CDH8: variants seen among roughly 807,000 people sequenced by gnomAD.
The protein encoded by CDH8 is cadherin 8.
CDH8 carries 17 observed loss-of-function variants against 68.1 expected under a neutral mutation model. The observed-to-expected ratio is 0.25, with a 90% confidence interval of 0.17 to 0.37. The LOEUF (loss-of-function observed/expected upper bound fraction) is 0.37, where lower values mean the gene tolerates loss of function less well. Ranked by LOEUF, CDH8 falls within the 10% of genes least tolerant of loss-of-function variation. CDH8 has a pLI of 1.00. For synonymous variants in CDH8, 372 were observed against 365.1 expected (o/e 1.02, Z -0.21); for missense variants, 763 against 999.3 (o/e 0.76, Z 3.19).
rs1346816672 is a variant in CDH8 at position 61,664,181 on chromosome 16, A to T, written c.1655-8460T>A. ...AATTGTGAAGATGTATGTATTCTTTATATCGATGCTCAAATATCACTTCTT... is the reference window on the plus strand; with the variant it reads ...AATTGTGAAGATGTATGTATTCTTTTTATCGATGCTCAAATATCACTTCTT... On this transcript the variant is annotated intron_variant, in intron 10 of 11. Transcript: ENST00000577390. 2.0e-5 allele frequency among the ~76,000 whole-genome samples: 3 copies of T among 152,012 alleles called. No homozygotes were observed. The East Asian group carries it at 5.8e-4, about 30-fold the overall frequency.
At chr16:61,875,908 G>A (rs151172566) in intron 3 of CDH8, among the ~76,000 whole-genome samples, 296 of 152,082 alleles carry the variant, frequency 1.9e-3, no homozygotes, top group African/African-American at 5.6e-3. Flanking sequence ...ATGGAGTCTC[G>A]CTCTGTCACC....
At chr16:61,795,579 A>C (rs1331474098) in intron 7 of CDH8, among the ~76,000 whole-genome samples, 1 of 152,144 alleles carries the variant, frequency 6.6e-6, no homozygotes, top group Admixed American at 6.5e-5. Context: ...AAAATAAATA[A>C]ATATAAATGA....
chr16:61,943,478 T>C (rs1302212195), intron 2 of CDH8, among the ~76,000 whole-genome samples: 1 of 152,208 alleles, frequency 6.6e-6, no homozygotes, highest in South Asian at 2.1e-4. Context: ...TCTGGATAGG[T>C]GTTTGCAGAT....
chr16:61,777,319 T>C (rs1960926482), intron 8 of CDH8, among the ~76,000 whole-genome samples: 1 of 152,176 alleles, frequency 6.6e-6, no homozygotes, highest in Non-Finnish European at 1.5e-5. Context: ...GAGCTACCAG[T>C]TAGCAGCAAC....
intron 2 of CDH8, among the ~76,000 whole-genome samples, chr16:61,955,597 CTTAA>C (rs1409461139): frequency 1.3e-5 from 2 of 152,068 alleles, no homozygotes; most frequent in African/African-American, 4.8e-5. Context: ...CATCTACTTT[CTTAA>C]TTTTTTCTTT....
At chr16:61,933,629 G>C (rs1437189303) in intron 2 of CDH8, among the ~76,000 whole-genome samples, 1 of 152,186 alleles carries the variant, frequency 6.6e-6, no homozygotes, top group Non-Finnish European at 1.5e-5. Flanking sequence ...GAGACAGTGA[G>C]ATTGAAGACA....
intron 10 of CDH8, among the ~76,000 whole-genome samples, chr16:61,689,244 G>T (rs933954235): frequency 6.6e-6 from 1 of 152,100 alleles, no homozygotes. Context: ...AATGATTCCA[G>T]TTTGAATTTA....
intron 9 of CDH8, chr16:61,725,088 G>C (rs1165767152): frequency 2.0e-5 from 3 of 150,882 alleles, no homozygotes. Flanking sequence ...TAATAAATAT[G>C]TCTAAACAGA....
At chr16:61,953,924 T>TATATATAC (rs1439521997) in intron 2 of CDH8, among the ~76,000 whole-genome samples, 9 of 127,526 alleles carry the variant, frequency 7.1e-5, no homozygotes, top group African/African-American at 2.8e-4. Flanking sequence ...TATATATATA[T>TATATATAC]ATAAAATACC....
At chr16:62,016,174 G>C (rs1901935221) in intron 2 of CDH8, among the ~76,000 whole-genome samples, 1 of 152,108 alleles carries the variant, frequency 6.6e-6, no homozygotes, top group Non-Finnish European at 1.5e-5. Context: ...AGCTTCCTCT[G>C]TATATGCTTC....
chr16:61,958,113 G>C (rs1279071531), intron 2 of CDH8, among the ~76,000 whole-genome samples: 2 of 152,158 alleles, frequency 1.3e-5, no homozygotes, highest in African/African-American at 2.4e-5. Flanking sequence ...GGGAGAGGGG[G>C]ATAAATTGAT....
intron 3 of CDH8, among the ~76,000 whole-genome samples, chr16:61,865,176 C>T (rs1179930901): frequency 5.3e-5 from 8 of 152,200 alleles, no homozygotes; most frequent in Middle Eastern, 3.4e-3. Context: ...TGCAGTCAGG[C>T]GGATGGACAG....
At chr16:61,963,680 A>G (rs1472972243) in intron 2 of CDH8, among the ~76,000 whole-genome samples, 1 of 152,192 alleles carries the variant, frequency 6.6e-6, no homozygotes, top group African/African-American at 2.4e-5. Flanking sequence ...TTGGGAAATA[A>G]CAAACTACCC....
chr16:61,698,644 A>G (rs991150765), intron 10 of CDH8, among the ~76,000 whole-genome samples: 1 of 152,202 alleles, frequency 6.6e-6, no homozygotes, highest in Non-Finnish European at 1.5e-5. Context: ...CCAACATCTA[A>G]TGGACCTAAA....
At chr16:61,913,046 A>T (rs1268979524) in intron 2 of CDH8, among the ~76,000 whole-genome samples, 2 of 152,290 alleles carry the variant, frequency 1.3e-5, no homozygotes, top group East Asian at 3.9e-4. Context: ...GTACAAGTTG[A>T]ATATCCCTTA....
At chr16:61,835,883 T>C (rs980412410) in intron 4 of CDH8, among the ~76,000 whole-genome samples, 2 of 151,914 alleles carry the variant, frequency 1.3e-5, no homozygotes, top group Non-Finnish European at 2.9e-5. Flanking sequence ...GCACTGGCCT[T>C]GGAGTTACCT....
intron 2 of CDH8, among the ~76,000 whole-genome samples, chr16:61,966,717 A>G (rs1315827528): frequency 6.6e-6 from 1 of 152,190 alleles, no homozygotes; most frequent in Non-Finnish European, 1.5e-5. Context: ...AATTAAATCA[A>G]CTAAATCAAT....
intron 8 of CDH8, among the ~76,000 whole-genome samples, chr16:61,736,159 A>G (rs74641326): frequency 2.3e-3 from 140 of 61,640 alleles, no homozygotes; most frequent in African/African-American, 9.0e-3. Flanking sequence ...AAGGAAGGAA[A>G]GAAGGAAGGA....
chr16:61,843,353 A>G (rs1031394741), intron 4 of CDH8, among the ~76,000 whole-genome samples: 2 of 152,212 alleles, frequency 1.3e-5, no homozygotes, highest in African/African-American at 2.4e-5. Context: ...CAAGTAGCTG[A>G]GTGAAAATCA....
Sources: gnomAD v4.1 joint callset for allele counts (sites outside exome capture counted in the v4.1 genomes callset) on GRCh38, gnomAD v4.1.1 for gene constraint, MANE v1.5 for transcripts, NCBI Gene and HGNC (gene_info 2026-07-23, HGNC 2026-07-21) for gene names.